The following PLEKHA3 variants were observed in gnomAD, a reference collection of about 807,000 sequenced individuals.
PLEKHA3 encodes the protein pleckstrin homology domain-containing family A member 3.
PLEKHA3 carries 19 observed loss-of-function variants against 39.2 expected under a neutral mutation model. The observed-to-expected ratio is 0.48, with a 90% CI of 0.34 to 0.71. PLEKHA3 has a LOEUF of 0.71. Ranked by LOEUF, PLEKHA3 falls within the 30% of genes least tolerant of loss-of-function variation. The pLI, the probability that PLEKHA3 is intolerant of heterozygous loss-of-function variation, is 0.01. For missense variants in PLEKHA3, 253 were observed against 359.5 expected (o/e 0.70, Z 2.40); for synonymous variants, 97 against 118.6 (o/e 0.82, Z 1.18).
chr2:178,491,854 G>A lies in PLEKHA3; in HGVS notation c.313+1040G>A, dbSNP rs148106841. On this transcript the variant is annotated intron_variant, in intron 3 of 7. Transcript: ENST00000234453. ...TCATGCTGCATCATAGCATGGCGGA[G>A]GAAGCAAGGGAAAGCGGGTGTGTGC... is the stretch of plus-strand genomic sequence containing the variant. 2.5e-4 allele frequency among the ~76,000 whole-genome samples: 38 copies of A among 152,238 alleles called. No individual in the cohort carries two copies. The East Asian group carries it at 7.1e-3, about 29-fold the overall frequency.
intron 3 of PLEKHA3, among the ~76,000 whole-genome samples, chr2:178,492,450 T>C (rs1427672550): frequency 8.2e-6 from 1 of 121,486 alleles, no homozygotes; most frequent in Non-Finnish European, 1.6e-5. Flanking sequence ...GACATTACAA[T>C]AAGTAAAAAA....
chr2:178,491,880 G>A (rs551190104), intron 3 of PLEKHA3, among the ~76,000 whole-genome samples: 10 of 152,034 alleles, frequency 6.6e-5, no homozygotes, highest in African/African-American at 1.7e-4. Context: ...GGGTGTGTGC[G>A]GAAAGAGATC....
rs1685623238 is a variant in PLEKHA3, at chr2:178,507,602, G to GTTCTA, written c.*3717_*3721dup. ...ATTTGTACTGTTGCCCTCCAGGCCT[G>GTTCTA]TTCTATGGTTCAGCAGTCATTCTGA... On this transcript the variant is annotated 3_prime_UTR_variant, in exon 8 of 8. Coordinates refer to ENST00000234453, the MANE Select transcript of PLEKHA3 (RefSeq NM_019091.4). 8.4e-6 allele frequency: 1 copy of GTTCTA among 119,486 alleles called. No homozygotes were observed. Among genetic ancestry groups the GTTCTA allele is most frequent in the South Asian group, 2.9e-4 (1 of 3,464 alleles). 7.4% of individuals were successfully genotyped at this position (119,486 alleles called of 1,614,324 possible). A position where few individuals can be genotyped will look rare whatever the true frequency, so the allele number is the denominator to read the frequency against.
At chr2:178,495,760 G>C (rs1464577237) in intron 5 of PLEKHA3, 100 bp downstream of exon 5, 3 of 1,288,718 alleles carry the variant, frequency 2.3e-6, no homozygotes, top group East Asian at 4.7e-5. Context: ...GCAGGCAGTT[G>C]GGGGGCGGGG....
Position 178,490,790 on chromosome 2 carries a change from G to T in PLEKHA3, c.289G>T (p.Asp97Tyr). The change falls in exon 3 of 8, where the codon GAT becomes TAT. Residue 97 changes from aspartate (D) to tyrosine (Y), a missense_variant. By Grantham distance (160) the Asp-to-Tyr change is radical (BLOSUM62 -3). Transcript: ENST00000234453. ...ALGSSKACLT[D>Y]TRTKKEKEIS... Reference sequence around the variant, plus strand: ...GGGGAGCTCCAAAGCATGTTTGACTGATACAAGGACTAAAAAAGAAAAAGG... The same window carrying T: ...GGGGAGCTCCAAAGCATGTTTGACTTATACAAGGACTAAAAAAGAAAAAGG... 1.2e-6 allele frequency: 2 copies of T among 1,612,934 alleles called. No individual in the cohort carries two copies. The highest frequency in any genetic ancestry group is 1.7e-6 in the Non-Finnish European group (2 of 1,179,582).
chr2:178,482,337 G>A (rs1685180224), intron 1 of PLEKHA3, among the ~76,000 whole-genome samples: 1 of 151,712 alleles, frequency 6.6e-6, no homozygotes, highest in South Asian at 2.1e-4. Context: ...GACCAACCTG[G>A]GCCACATAGG....
chr2:178,480,748 G>A lies in PLEKHA3; in HGVS notation c.-122G>A. ...TCCCTGCGGCGCGCGCAGGCAGAAA[G>A]CGGCTTCGTGCCGGCGGAGGGGGCC... On this transcript the variant is annotated 5_prime_UTR_variant, in exon 1 of 8. Transcript: ENST00000234453. The A allele has an allele frequency of 1.2e-6, 1 of 821,618 alleles. No homozygotes were observed. Among genetic ancestry groups the A allele is most frequent in the Non-Finnish European group, 1.6e-6 (1 of 606,722 alleles). 50.9% of individuals were successfully genotyped at this position (821,618 alleles called of 1,614,324 possible).
chr2:178,494,014 G>A (rs751639004), intron 4 of PLEKHA3, 25 bp downstream of exon 4: 11 of 1,609,288 alleles, frequency 6.8e-6, no homozygotes, highest in Middle Eastern at 1.7e-4. Flanking sequence ...ATCTCTTCAC[G>A]TGTGGTTATG....
intron 5 of PLEKHA3, 29 bp from the exon 6 acceptor site, chr2:178,499,182 A>ATTTT: frequency 7.5e-7 from 1 of 1,337,824 alleles, no homozygotes; most frequent in Non-Finnish European, 1.0e-6. Context: ...GATTATGCTA[A>ATTTT]TTTTTTTTTT....
chr2:178,495,623 C>T lies in PLEKHA3; in HGVS notation c.578C>T (p.Pro193Leu). 1 of 1,612,766 alleles carries T rather than the reference C, an allele frequency of 6.2e-7. No homozygotes were observed. Among genetic ancestry groups the T allele is most frequent in the Non-Finnish European group, 8.5e-7 (1 of 1,179,310 alleles). The change falls in exon 5 of 8, where the codon CCC becomes CTC. Residue 193 changes from proline to leucine, a missense_variant. Transcript: ENST00000234453. ...ATGTTTCAACTGCACCATCCGGATC[C>T]CTTAGTTTCTCCTGTGTCACCTTCT... ...PEMFQLHHPD[P>L]LVSPVSPSPV...
chr2:178,503,594 A>T (rs998079684), intron 7 of PLEKHA3, among the ~76,000 whole-genome samples, 166 bp from the exon 8 acceptor site: 1 of 151,974 alleles, frequency 6.6e-6, no homozygotes, highest in African/African-American at 2.4e-5. Flanking sequence ...TTGATACTCT[A>T]GTCTAAAAGT....
chr2:178,499,599 C>A (rs1186178519), intron 6 of PLEKHA3, among the ~76,000 whole-genome samples: 1 of 152,080 alleles, frequency 6.6e-6, no homozygotes, highest in East Asian at 1.9e-4. Context: ...GATTATAATA[C>A]CATATTTTTA....
At chr2:178,491,155 TG>T (rs938214544) in intron 3 of PLEKHA3, among the ~76,000 whole-genome samples, 17 of 151,814 alleles carry the variant, frequency 1.1e-4, no homozygotes, top group Admixed American at 9.2e-4. Flanking sequence ...GGATTACAGG[TG>T]CCTGCTACCA....
intron 3 of PLEKHA3, among the ~76,000 whole-genome samples, chr2:178,491,892 A>G (rs967060609): frequency 1.3e-5 from 2 of 152,112 alleles, no homozygotes; most frequent in African/African-American, 2.4e-5. Flanking sequence ...AAAGAGATCA[A>G]ACCCAAGAGG....
Position 178,480,821 on chromosome 2 carries a change from C to T in PLEKHA3, c.-49C>T, listed in dbSNP as rs199646679. 641 of 1,312,942 alleles carry T rather than the reference C, an allele frequency of 4.9e-4. 4 individuals are homozygous for T. The African/African-American group carries it at 8.9e-3, about 18-fold the overall frequency. 81.3% of individuals were successfully genotyped at this position (1,312,942 alleles called of 1,614,324 possible). On this transcript the variant is annotated 5_prime_UTR_variant, in exon 1 of 8. Transcript: ENST00000234453. ...CCCAGGCCCTGCGCCTACCCCATCA[C>T]CGCGGCCGGCGCCGGGCCGGGAGGA... is the stretch of plus-strand genomic sequence containing the variant.
Position 178,480,852 on chromosome 2 carries a change from G to A in PLEKHA3, c.-18G>A. 1.5e-6 allele frequency: 2 copies of A among 1,318,966 alleles called. No homozygotes were observed. Among genetic ancestry groups the A allele is most frequent in the African/African-American group, 1.5e-5 (1 of 66,480 alleles). 81.7% of individuals were successfully genotyped at this position (1,318,966 alleles called of 1,614,324 possible). On this transcript the variant is annotated 5_prime_UTR_variant, in exon 1 of 8. Coordinates refer to ENST00000234453, the MANE Select transcript of PLEKHA3 (RefSeq NM_019091.4). ...CCGGCGCCGGGCCGGGAGGATGCGC[G>A]GTGTGGGGCTCTGAAGCATGGAGGG...
chr2:178,488,350 A>T (rs1575142783), intron 2 of PLEKHA3, among the ~76,000 whole-genome samples: 1 of 152,164 alleles, frequency 6.6e-6, no homozygotes, highest in African/African-American at 2.4e-5. Flanking sequence ...CAATTTGTTA[A>T]TTTCTTTTAT....
chr2:178,495,803 C>A, intron 5 of PLEKHA3, 143 bp downstream of exon 5: 1 of 874,166 alleles, frequency 1.1e-6, no homozygotes, highest in Non-Finnish European at 1.7e-6. Flanking sequence ...TTTGTTTGTA[C>A]TGTTTCATAT....
rs1381795778 is a variant in PLEKHA3, at chr2:178,501,049, C to T, written c.660-12C>T. On this transcript the variant is annotated splice_polypyrimidine_tract_variant and intron_variant, in intron 6 of 7. Coordinates refer to ENST00000234453, the MANE Select transcript of PLEKHA3 (RefSeq NM_019091.4). ...AGGCCTTACAATTTAATGCTTTTTACTTAATTTGCAGGAGTAGCCACTCTA... is the reference window on the plus strand; with the variant it reads ...AGGCCTTACAATTTAATGCTTTTTATTTAATTTGCAGGAGTAGCCACTCTA... The T allele has an allele frequency of 1.1e-5, 18 of 1,571,444 alleles. No homozygotes were observed. Among genetic ancestry groups the T allele is most frequent in the Non-Finnish European group, 1.5e-5 (17 of 1,147,486 alleles).
Sources: gnomAD v4.1 joint callset for allele counts (sites outside exome capture counted in the v4.1 genomes callset) on GRCh38, gnomAD v4.1.1 for gene constraint, MANE v1.5 for transcripts, NCBI Gene and HGNC (gene_info 2026-07-23, HGNC 2026-07-21) for gene names.